The following ZMAT4 variants were observed in gnomAD, a reference collection of about 807,000 sequenced individuals.
ZMAT4 encodes the protein zinc finger matrin-type 4.
Under a neutral mutation model 28.7 loss-of-function variants are expected in ZMAT4, and 17 were observed. That is an observed-to-expected ratio of 0.59 (90% CI 0.41 to 0.89). The LOEUF (loss-of-function observed/expected upper bound fraction) is 0.89, where lower values mean the gene tolerates loss of function less well. Among genes scored for constraint, ZMAT4 ranks in the 40% least tolerant of loss-of-function variants. The probability of loss-of-function intolerance (pLI) is 0.00; values close to 1 mark genes in which losing one functional copy is unlikely to be tolerated. For missense variants in ZMAT4, 240 were observed against 283.8 expected, an observed-to-expected ratio of 0.85 and a Z score of 1.11; for synonymous variants, 117 against 109.2, an observed-to-expected ratio of 1.07 and a Z score of -0.44.
intron 2 of ZMAT4, among the ~76,000 whole-genome samples, chr8:40,779,848 G>A (rs1010212731): frequency 6.6e-6 from 1 of 152,136 alleles, no homozygotes; most frequent in Non-Finnish European, 1.5e-5. Context: ...ACCTCAGTGA[G>A]AGGCAAAATC....
At chr8:40,842,476 C>T (rs972710341) in intron 1 of ZMAT4, among the ~76,000 whole-genome samples, 1 of 152,206 alleles carries the variant, frequency 6.6e-6, no homozygotes, top group African/African-American at 2.4e-5. Context: ...TAATTTGTGG[C>T]TCTGACAGAA....
At chr8:40,618,268 A>G (rs1806082968) in intron 5 of ZMAT4, among the ~76,000 whole-genome samples, 1 of 152,196 alleles carries the variant, frequency 6.6e-6, no homozygotes, top group South Asian at 2.1e-4. Context: ...ACCAGGACAA[A>G]ACAACACGAG....
chr8:40,796,730 A>C (rs1041648845), intron 2 of ZMAT4, among the ~76,000 whole-genome samples: 30 of 152,222 alleles, frequency 2.0e-4, no homozygotes, highest in African/African-American at 7.0e-4. Context: ...CATTTTTCAC[A>C]GTATTCCCTT....
At chr8:40,570,879 T>C (rs1158406428) in intron 6 of ZMAT4, among the ~76,000 whole-genome samples, 1 of 152,168 alleles carries the variant, frequency 6.6e-6, no homozygotes, top group Admixed American at 6.5e-5. Context: ...TCCAGTTCTT[T>C]TCTTTCTTGA....
intron 2 of ZMAT4, among the ~76,000 whole-genome samples, chr8:40,792,194 C>T (rs1276148861): frequency 6.6e-6 from 1 of 151,938 alleles, no homozygotes; most frequent in Non-Finnish European, 1.5e-5. Context: ...CTGTGTTGAA[C>T]CATATGAAAC....
At chr8:40,638,423 G>C (rs956533884) in intron 5 of ZMAT4, among the ~76,000 whole-genome samples, 1 of 152,206 alleles carries the variant, frequency 6.6e-6, no homozygotes, top group African/African-American at 2.4e-5. Flanking sequence ...ATGAGAGATA[G>C]AGTCTTTCAT....
chr8:40,806,756 C>G (rs1339492312), intron 2 of ZMAT4, among the ~76,000 whole-genome samples: 1 of 152,056 alleles, frequency 6.6e-6, no homozygotes. Flanking sequence ...TCTTAATTCC[C>G]TACCGAAAAT....
chr8:40,586,972 G>A (rs1804689653), intron 5 of ZMAT4, among the ~76,000 whole-genome samples: 1 of 152,082 alleles, frequency 6.6e-6, no homozygotes, highest in Non-Finnish European at 1.5e-5. Context: ...TCTCGGAGAA[G>A]TGTGAAATGG....
At chr8:40,799,137 A>AGATG (rs1814720112) in intron 2 of ZMAT4, among the ~76,000 whole-genome samples, 1 of 94,300 alleles carries the variant, frequency 1.1e-5, no homozygotes, top group Non-Finnish European at 2.3e-5. Flanking sequence ...AGAGAAGGAT[A>AGATG]GATGGCTGGC....
chr8:40,625,840 G>A (rs1806354876), intron 5 of ZMAT4, among the ~76,000 whole-genome samples: 1 of 10,152 alleles, frequency 9.9e-5, no homozygotes, highest in African/African-American at 1.1e-4. Flanking sequence ...GCTGGGCGCG[G>A]TGGAATCATG....
At chr8:40,812,603 A>G (rs1220253349) in intron 2 of ZMAT4, among the ~76,000 whole-genome samples, 3 of 152,176 alleles carry the variant, frequency 2.0e-5, no homozygotes, top group Admixed American at 2.0e-4. Flanking sequence ...GAAACTAAGG[A>G]AATATGAACA....
At chr8:40,773,732 C>A (rs1813480804) in intron 2 of ZMAT4, among the ~76,000 whole-genome samples, 1 of 151,702 alleles carries the variant, frequency 6.6e-6, no homozygotes, top group African/African-American at 2.4e-5. Flanking sequence ...AATGGAAATT[C>A]AAAACATCAT....
At chr8:40,716,385 C>A (rs943100729) in intron 3 of ZMAT4, among the ~76,000 whole-genome samples, 2 of 152,174 alleles carry the variant, frequency 1.3e-5, no homozygotes, top group African/African-American at 4.8e-5. Context: ...CCCTTCCTCC[C>A]TTTACTTAAG....
At chr8:40,724,609 G>A (rs1435887189) in intron 3 of ZMAT4, among the ~76,000 whole-genome samples, 1 of 152,184 alleles carries the variant, frequency 6.6e-6, no homozygotes, top group Non-Finnish European at 1.5e-5. Context: ...GAAGGAGAAT[G>A]ACACATCACT....
intron 1 of ZMAT4, among the ~76,000 whole-genome samples, chr8:40,863,112 A>C (rs1817562920): frequency 6.6e-6 from 1 of 152,186 alleles, no homozygotes; most frequent in Non-Finnish European, 1.5e-5. Flanking sequence ...GCAAGACCGG[A>C]GGCTGGAATA....
Position 40,532,184 on chromosome 8 carries a change from T to A in ZMAT4, c.*39A>T. 2 of 1,564,564 alleles carry A rather than the reference T, an allele frequency of 1.3e-6. No homozygotes were observed. The highest frequency in any genetic ancestry group is 1.7e-6 in the Non-Finnish European group (2 of 1,154,406). On this transcript the variant is annotated 3_prime_UTR_variant, in exon 7 of 7. Coordinates refer to ENST00000297737, the MANE Select transcript of ZMAT4 (RefSeq NM_024645.3). ...TAAGCAATTCTCCACGGCAGAGAAA[T>A]GCTAATGTTTTGTTCTTATGTCTTG... is the stretch of plus-strand genomic sequence containing the variant.
intron 3 of ZMAT4, among the ~76,000 whole-genome samples, chr8:40,755,173 G>T (rs1298702631): frequency 6.6e-6 from 1 of 152,172 alleles, no homozygotes; most frequent in Non-Finnish European, 1.5e-5. Flanking sequence ...GGAAACTCGG[G>T]GGTTTGAAAT....
chr8:40,533,444 G>T (rs180943692), intron 6 of ZMAT4, among the ~76,000 whole-genome samples: 150 of 152,324 alleles, frequency 9.8e-4, no homozygotes, highest in Non-Finnish European at 1.7e-3. Flanking sequence ...TAGAGGGAAG[G>T]GTGGCAAAAG....
chr8:40,596,682 G>A (rs1288718079), intron 5 of ZMAT4, among the ~76,000 whole-genome samples: 1 of 152,160 alleles, frequency 6.6e-6, no homozygotes, highest in Non-Finnish European at 1.5e-5. Context: ...GTGCATGACT[G>A]TATATGTCTA....
Sources: gnomAD v4.1 joint callset for allele counts (sites outside exome capture counted in the v4.1 genomes callset) on GRCh38, gnomAD v4.1.1 for gene constraint, MANE v1.5 for transcripts, NCBI Gene and HGNC (gene_info 2026-07-23, HGNC 2026-07-21) for gene names.